DNM3: variants seen among roughly 807,000 people sequenced by gnomAD.
The protein encoded by DNM3 is dynamin 3.
In DNM3, 47 loss-of-function variants were observed where a neutral mutation model predicts 101.6. That is an observed-to-expected ratio of 0.46 (90% confidence interval 0.37 to 0.59). The LOEUF (loss-of-function observed/expected upper bound fraction) is 0.59. Among genes scored for constraint, DNM3 ranks in the 20% least tolerant of loss-of-function variants. The probability of loss-of-function intolerance (pLI) is 0.00; values close to 1 mark genes in which losing one functional copy is unlikely to be tolerated. For missense variants in DNM3, 849 were observed against 1,085.7 expected, an observed-to-expected ratio of 0.78 and a Z score of 3.06; for synonymous variants, 385 against 387.9, an observed-to-expected ratio of 0.99 and a Z score of 0.09.
At chr1:172,394,119 A>C (rs1461938165) in intron 20 of DNM3, 1 of 152,224 alleles carries the variant, frequency 6.6e-6, no homozygotes, top group Non-Finnish European at 1.5e-5. Context: ...ATCAATGGTT[A>C]ATGTCAAAGT....
chr1:171,958,988 G>A (rs2043037028), intron 2 of DNM3, among the ~76,000 whole-genome samples: 1 of 152,152 alleles, frequency 6.6e-6, no homozygotes, highest in Non-Finnish European at 1.5e-5. Flanking sequence ...ATAATCTTGA[G>A]TGAATAAAGC....
chr1:172,301,828 G>C (rs926925572), intron 15 of DNM3, among the ~76,000 whole-genome samples: 4 of 152,134 alleles, frequency 2.6e-5, no homozygotes, highest in Non-Finnish European at 4.4e-5. Context: ...GAGGAATAGA[G>C]GGTGGGAGGG....
chr1:172,251,988 G>A (rs952955277), intron 14 of DNM3, among the ~76,000 whole-genome samples: 9 of 152,170 alleles, frequency 5.9e-5, no homozygotes, highest in Non-Finnish European at 8.8e-5. Context: ...TCTCATTTAC[G>A]ATTAAATTAT....
At chr1:171,889,715 T>C (rs1214389878) in intron 1 of DNM3, among the ~76,000 whole-genome samples, 3 of 152,204 alleles carry the variant, frequency 2.0e-5, no homozygotes, top group Non-Finnish European at 4.4e-5. Flanking sequence ...AGAATTTTTT[T>C]TGTTGTTTAT....
At position 172,271,600 on chromosome 1, in the gene DNM3, G is replaced by A. The variant is rs190098760; in HGVS notation, c.1769+17918G>A. 2.6e-5 allele frequency among the ~76,000 whole-genome samples: 4 copies of A among 152,096 alleles called. No individual in the cohort carries two copies. In the East Asian group the frequency reaches 7.7e-4, roughly 29 times the overall value. ...TAGAAAATGGAAGAGTATTTTAATA[G>A]CCTTTTAAAATTGTGGATCTTCTTC... On this transcript the variant is annotated intron_variant, in intron 15 of 20. Transcript: ENST00000627582.
chr1:172,249,743 A>G (rs1429634297), intron 14 of DNM3, among the ~76,000 whole-genome samples: 2 of 151,306 alleles, frequency 1.3e-5, no homozygotes, highest in Admixed American at 6.6e-5. Flanking sequence ...TGTTTAAAAT[A>G]TCAAATTTCA....
Position 172,241,180 on chromosome 1 carries a change from A to G in DNM3, c.1660-12393A>G, listed in dbSNP as rs552456733. Among the ~76,000 whole-genome samples, 56 of 151,152 alleles carry G rather than the reference A, an allele frequency of 3.7e-4. 1 individual carries two copies. Among genetic ancestry groups the G allele is most frequent in the Non-Finnish European group, 6.0e-4 (41 of 67,822 alleles). ...GCCATCTCTCTCACTCACACCTTGA[A>G]TTCTCAATTTAAAATTTTTCATGCA... On this transcript the variant is annotated intron_variant, in intron 14 of 20. Transcript: ENST00000627582.
chr1:172,265,824 T>C (rs1452202788), intron 15 of DNM3, among the ~76,000 whole-genome samples: 1 of 152,146 alleles, frequency 6.6e-6, no homozygotes, highest in Non-Finnish European at 1.5e-5. Context: ...CAGAGAACTG[T>C]TTCTGTCCAG....
At chr1:172,321,421 C>T (rs2065711089) in intron 16 of DNM3, among the ~76,000 whole-genome samples, 2 of 152,134 alleles carry the variant, frequency 1.3e-5, no homozygotes, top group Admixed American at 6.6e-5. Flanking sequence ...AGTTTTTCTT[C>T]AATGAAGTGC....
At chr1:172,354,522 G>A (rs924444079) in intron 17 of DNM3, among the ~76,000 whole-genome samples, 2 of 152,110 alleles carry the variant, frequency 1.3e-5, no homozygotes, top group Non-Finnish European at 2.9e-5. Flanking sequence ...CTATCACAAT[G>A]AGAAATCTCA....
Position 172,410,201 on chromosome 1 carries a change from T to C in DNM3, c.*2360T>C. Reference sequence around the variant, plus strand: ...TGTCATATTATTAGTATGAATCTCATTTCCCAAAGGGTTTGTATTCTGCTA... The same window carrying C: ...TGTCATATTATTAGTATGAATCTCACTTCCCAAAGGGTTTGTATTCTGCTA... On this transcript the variant is annotated 3_prime_UTR_variant, in exon 21 of 21. Coordinates refer to ENST00000627582, the MANE Select transcript of DNM3 (RefSeq NM_015569.5). 2.0e-6 allele frequency: 2 copies of C among 985,390 alleles called. No homozygotes were observed. The highest frequency in any genetic ancestry group is 2.4e-6 in the Non-Finnish European group (2 of 829,886). 61.0% of individuals were successfully genotyped at this position (985,390 alleles called of 1,614,324 possible).
At chr1:171,944,855 C>CATT (rs2042065405) in intron 2 of DNM3, among the ~76,000 whole-genome samples, 2 of 87,430 alleles carry the variant, frequency 2.3e-5, no homozygotes, top group South Asian at 4.2e-4. Flanking sequence ...TTGGTGTTTC[C>CATT]TTTTTTTTTT....
intron 2 of DNM3, among the ~76,000 whole-genome samples, chr1:171,943,590 C>T (rs897910628): frequency 1.3e-5 from 2 of 152,286 alleles, no homozygotes; most frequent in Middle Eastern, 3.4e-3. Flanking sequence ...AATCAATTGC[C>T]AATGGGGAAA....
rs1462893455 is a variant in DNM3 at position 172,408,414 on chromosome 1, A to G, written c.*573A>G. 1.0e-6 allele frequency: 1 copy of G among 985,780 alleles called. No individual in the cohort carries two copies. The allele number at this position is 985,780 out of a possible 1,614,324, so 61.1% of individuals were successfully genotyped here. ...ATAAACTTTTCCAGAAGCACGAGGTAGTTTGCAAAGGAAAAGTCTGCACTG... is the reference window on the plus strand; with the variant it reads ...ATAAACTTTTCCAGAAGCACGAGGTGGTTTGCAAAGGAAAAGTCTGCACTG... On this transcript the variant is annotated 3_prime_UTR_variant, in exon 21 of 21. Coordinates refer to ENST00000627582, the MANE Select transcript of DNM3 (RefSeq NM_015569.5).
At chr1:171,994,117 C>A (rs1370353909) in intron 4 of DNM3, among the ~76,000 whole-genome samples, 1 of 151,866 alleles carries the variant, frequency 6.6e-6, no homozygotes, top group East Asian at 1.9e-4. Context: ...GGGACAGTTT[C>A]TATTGACTGT....
chr1:171,876,391 C>A (rs947391158), intron 1 of DNM3, among the ~76,000 whole-genome samples: 1 of 151,236 alleles, frequency 6.6e-6, no homozygotes, highest in Non-Finnish European at 1.5e-5. Context: ...TTTTTCTTTT[C>A]TTTTTCTCCC....
intron 1 of DNM3, among the ~76,000 whole-genome samples, chr1:171,887,238 C>T (rs902534759): frequency 2.0e-5 from 3 of 152,126 alleles, no homozygotes; most frequent in African/African-American, 7.2e-5. Context: ...ATCTACTATC[C>T]TCACTTTAAA....
intron 4 of DNM3, among the ~76,000 whole-genome samples, chr1:172,016,675 A>ATTC (rs2047477704): frequency 6.6e-6 from 1 of 152,026 alleles, no homozygotes; most frequent in African/African-American, 2.4e-5. Context: ...AATTGGTATG[A>ATTC]TTTCTTTCTT....
At chr1:172,262,376 C>T (rs1255513176) in intron 15 of DNM3, among the ~76,000 whole-genome samples, 4 of 152,114 alleles carry the variant, frequency 2.6e-5, no homozygotes, top group South Asian at 2.1e-4. Context: ...GGGGGCTGTG[C>T]TCTCAAAATG....
Sources: gnomAD v4.1 joint callset for allele counts (sites outside exome capture counted in the v4.1 genomes callset) on GRCh38, gnomAD v4.1.1 for gene constraint, MANE v1.5 for transcripts, NCBI Gene and HGNC (gene_info 2026-07-23, HGNC 2026-07-21) for gene names.